Variants in CSMD1 observed in about 807,000 individuals in gnomAD.
The protein encoded by CSMD1 is CUB and sushi domain-containing protein 1.
CSMD1 carries 213 observed loss-of-function variants against 417.5 expected under a neutral mutation model. That is an observed-to-expected ratio of 0.51 (90% CI 0.46 to 0.57). CSMD1 has a LOEUF of 0.57. CSMD1 is among the 20% of genes least tolerant of loss of function. The pLI is 0.00. For synonymous variants in CSMD1, 2,862 were observed against 1,736.8 expected, an observed-to-expected ratio of 1.65 and a Z score of -16.11; for missense variants, 6,923 against 4,529.7, an observed-to-expected ratio of 1.53 and a Z score of -15.17.
intron 5 of CSMD1, among the ~76,000 whole-genome samples, chr8:3,816,443 G>A (rs1055211989): frequency 2.6e-5 from 4 of 152,114 alleles, no homozygotes; most frequent in African/African-American, 7.2e-5. Flanking sequence ...AGTTATCATT[G>A]TTCTATTCCG....
intron 5 of CSMD1, among the ~76,000 whole-genome samples, chr8:3,802,853 C>T (rs1017438720): frequency 6.6e-6 from 1 of 152,158 alleles, no homozygotes; most frequent in African/African-American, 2.4e-5. Context: ...AGCATCCGCA[C>T]TGGCCCTTAG....
At chr8:4,666,260 T>C (rs1233509016) in intron 1 of CSMD1, among the ~76,000 whole-genome samples, 1 of 152,184 alleles carries the variant, frequency 6.6e-6, no homozygotes, top group African/African-American at 2.4e-5. Context: ...ACAGATGGAA[T>C]CACGGTTGCT....
chr8:3,281,641 G>A (rs1301399968), intron 26 of CSMD1, among the ~76,000 whole-genome samples: 1 of 152,160 alleles, frequency 6.6e-6, no homozygotes, highest in Non-Finnish European at 1.5e-5. Flanking sequence ...AAACTATGGA[G>A]ACAGTGAAAA....
intron 2 of CSMD1, among the ~76,000 whole-genome samples, chr8:4,527,703 T>C (rs571259196): frequency 6.6e-6 from 1 of 152,318 alleles, no homozygotes; most frequent in South Asian, 2.1e-4. Flanking sequence ...CATTTCTTTC[T>C]ATTAATAGGT....
intron 1 of CSMD1, among the ~76,000 whole-genome samples, chr8:4,729,202 G>T (rs970690686): frequency 1.3e-5 from 2 of 152,132 alleles, no homozygotes; most frequent in Non-Finnish European, 2.9e-5. Flanking sequence ...AAATAAAAAT[G>T]CTGTTTAAAT....
chr8:3,164,204 G>C (rs1003476982), intron 37 of CSMD1, among the ~76,000 whole-genome samples: 1 of 152,066 alleles, frequency 6.6e-6, no homozygotes, highest in Non-Finnish European at 1.5e-5. Context: ...GGAAAGCAGT[G>C]GTACATAAAC....
At chr8:4,844,477 A>G (rs913452536) in intron 1 of CSMD1, among the ~76,000 whole-genome samples, 2 of 152,130 alleles carry the variant, frequency 1.3e-5, no homozygotes, top group African/African-American at 2.4e-5. Flanking sequence ...CTTTTTGCTC[A>G]TAACAGCCTC....
At chr8:4,192,406 A>T (rs1343354271) in intron 3 of CSMD1, among the ~76,000 whole-genome samples, 1 of 152,098 alleles carries the variant, frequency 6.6e-6, no homozygotes, top group Admixed American at 6.5e-5. Flanking sequence ...TTGTGCCTGG[A>T]ACATCAAGAG....
At chr8:3,708,622 G>A (rs952655551) in intron 6 of CSMD1, 131 bp from the exon 7 acceptor site, 2 of 709,644 alleles carry the variant, frequency 2.8e-6, no homozygotes, top group Admixed American at 2.3e-5. Flanking sequence ...TCTAAGAGGT[G>A]AATGATACCA....
At chr8:4,890,436 C>G (rs528206214) in intron 1 of CSMD1, among the ~76,000 whole-genome samples, 2 of 151,232 alleles carry the variant, frequency 1.3e-5, no homozygotes, top group African/African-American at 4.9e-5. Flanking sequence ...GACACCCTCC[C>G]GCAGGACAGG....
In CSMD1 at chr8:3,187,877, C is replaced by G. The variant is rs773978351; in HGVS notation, c.5612G>C (p.Ser1871Thr). 30 of 1,612,706 alleles carry G rather than the reference C, an allele frequency of 1.9e-5. 1 individual carries two copies. In the South Asian group the frequency reaches 3.3e-4, roughly 18 times the overall value. Residue 1871 changes from serine (S) to threonine (T), a missense_variant, in exon 36 of 70, where the codon AGC (serine) becomes ACC (threonine). Transcript: ENST00000635120. The part of the protein sequence containing the change: ...GGDVTAPRLG[S>T]FSGTTVPALL... ...AATTGACTCCATCTTACCTGAGAAGCTTCCCAGTCTGGGTGCGGTCACATC... is the reference window on the plus strand; with the variant it reads ...AATTGACTCCATCTTACCTGAGAAGGTTCCCAGTCTGGGTGCGGTCACATC...
At chr8:3,308,582 T>G in intron 23 of CSMD1, 79 bp from the exon 24 acceptor site, 11 of 1,177,460 alleles carry the variant, frequency 9.3e-6, no homozygotes, top group Non-Finnish European at 1.3e-5. Context: ...ACAAACAAGG[T>G]TGCTAAATGC....
intron 36 of CSMD1, 125 bp downstream of exon 36, chr8:3,187,744 C>T: frequency 1.4e-6 from 1 of 691,792 alleles, no homozygotes; most frequent in Admixed American, 2.3e-5. Context: ...ACTAGAGCAA[C>T]CATTATGGAG....
chr8:4,641,544 T>C (rs1276667184), intron 1 of CSMD1, among the ~76,000 whole-genome samples: 4 of 152,190 alleles, frequency 2.6e-5, no homozygotes, highest in African/African-American at 4.8e-5. Flanking sequence ...TCATGATTTT[T>C]ACAAGGATGG....
intron 1 of CSMD1, among the ~76,000 whole-genome samples, chr8:4,917,491 G>C (rs570741975): frequency 6.6e-6 from 1 of 151,998 alleles, no homozygotes; most frequent in Admixed American, 6.6e-5. Flanking sequence ...AAAATTAGCC[G>C]GGCATGGTGG....
chr8:3,540,719 CA>C (rs1302411729), intron 10 of CSMD1, among the ~76,000 whole-genome samples: 2 of 151,942 alleles, frequency 1.3e-5, no homozygotes, highest in East Asian at 1.9e-4. Context: ...AAAAAGTGAG[CA>C]AAAGACATGA....
At chr8:4,104,238 G>C (rs1042199396) in intron 3 of CSMD1, among the ~76,000 whole-genome samples, 2 of 152,190 alleles carry the variant, frequency 1.3e-5, no homozygotes, top group African/African-American at 2.4e-5. Context: ...TACACATAGA[G>C]ACATAGATAC....
chr8:4,762,668 T>C (rs1430188343), intron 1 of CSMD1, among the ~76,000 whole-genome samples: 1 of 152,068 alleles, frequency 6.6e-6, no homozygotes, highest in Non-Finnish European at 1.5e-5. Flanking sequence ...GCTGTGTGGT[T>C]CTCTATCAAT....
At chr8:4,275,276 T>C (rs1796417909) in intron 3 of CSMD1, among the ~76,000 whole-genome samples, 2 of 152,194 alleles carry the variant, frequency 1.3e-5, no homozygotes, top group South Asian at 4.1e-4. Flanking sequence ...ATGACTTCTC[T>C]TTTATGTTTT....
Sources: allele counts gnomAD v4.1 joint callset (sites outside exome capture counted in the v4.1 genomes callset), GRCh38; gene constraint gnomAD v4.1.1; transcripts MANE v1.5; gene names NCBI Gene and HGNC (gene_info 2026-07-23, HGNC 2026-07-21).